The following CACNA1H variants were observed in gnomAD, a reference collection of about 807,000 sequenced individuals.
The protein encoded by CACNA1H is calcium voltage-gated channel subunit alpha1 H.
CACNA1H carries 149 observed loss-of-function variants against 192.5 expected under a neutral mutation model. That is an observed-to-expected ratio of 0.77 (90% CI 0.68 to 0.89). The LOEUF (loss-of-function observed/expected upper bound fraction) is 0.89, where lower values mean the gene tolerates loss of function less well. Ranked by LOEUF, CACNA1H falls within the 40% of genes least tolerant of loss-of-function variation. The pLI is 0.00. For synonymous variants in CACNA1H, 2,202 were observed against 1,475.2 expected, an observed-to-expected ratio of 1.49 and a Z score of -11.29; for missense variants, 4,257 against 3,423.5, an observed-to-expected ratio of 1.24 and a Z score of -6.08.
intron 8 of CACNA1H, among the ~76,000 whole-genome samples, chr16:1,201,117 T>C (rs1295308996): frequency 2.0e-5 from 3 of 152,130 alleles, no homozygotes; most frequent in African/African-American, 7.2e-5. Flanking sequence ...GTGTGCTCCT[T>C]AGCTGGTCCT....
At chr16:1,196,224 C>T (rs1442583329) in intron 5 of CACNA1H, among the ~76,000 whole-genome samples, 5 of 152,256 alleles carry the variant, frequency 3.3e-5, no homozygotes, top group Non-Finnish European at 4.4e-5. Flanking sequence ...AATCAAGCTG[C>T]GGTGTGGTGG....
intron 11 of CACNA1H, among the ~76,000 whole-genome samples, 181 bp downstream of exon 11, chr16:1,205,446 T>C (rs955903465): frequency 6.6e-6 from 1 of 151,882 alleles, no homozygotes; most frequent in African/African-American, 2.4e-5. Flanking sequence ...CTGGGCAGAG[T>C]CCCCTCCCCA....
At chr16:1,201,251 C>T (rs972145029) in intron 8 of CACNA1H, among the ~76,000 whole-genome samples, 1 of 152,108 alleles carries the variant, frequency 6.6e-6, no homozygotes, top group South Asian at 2.1e-4. Context: ...GACAGACGTC[C>T]CCAGCTTGTT....
Position 1,221,044 on chromosome 16 carries a change from C to A in CACNA1H, c.*50C>A. The A allele has an allele frequency of 4.2e-6, 6 of 1,426,726 alleles. No homozygotes were observed. The highest frequency in any genetic ancestry group is 5.6e-6 in the Non-Finnish European group (6 of 1,067,446). 88.4% of individuals were successfully genotyped at this position (1,426,726 alleles called of 1,614,324 possible). A position where few individuals can be genotyped will look rare whatever the true frequency, so the allele number is the denominator to read the frequency against. Reference sequence around the variant, plus strand: ...CTTTGGCCCTGGGGTCTGGGGGCCCCGCTGGGGTGGAGGCCCAGGCAGAAC... The same window carrying A: ...CTTTGGCCCTGGGGTCTGGGGGCCCAGCTGGGGTGGAGGCCCAGGCAGAAC... On this transcript the variant is annotated 3_prime_UTR_variant, in exon 35 of 35. Coordinates refer to ENST00000348261, the MANE Select transcript of CACNA1H (RefSeq NM_021098.3).
intron 2 of CACNA1H, among the ~76,000 whole-genome samples, chr16:1,169,476 C>A (rs968523487): frequency 6.6e-6 from 1 of 152,246 alleles, no homozygotes; most frequent in Admixed American, 6.5e-5. Context: ...GACGTTCCCC[C>A]AAGAAGCAGC....
In CACNA1H at chr16:1,172,808, G is replaced by A. The variant is rs543329056; in HGVS notation, c.299+18772G>A. On this transcript the variant is annotated intron_variant, in intron 2 of 34. Transcript: ENST00000348261. ...GGTGCCCCCGAGGGCTCCTGTCCAG[G>A]CCCAGGGCTGTGGGCTGGGAGGACT... 2.8e-4 allele frequency among the ~76,000 whole-genome samples: 42 copies of A among 152,250 alleles called. No individual in the cohort carries two copies. In the South Asian group the frequency reaches 7.9e-3, roughly 29 times the overall value.
rs1970470229 is a variant in CACNA1H at position 1,221,386 on chromosome 16, C to CCGG, written c.*397_*399dup. ...ACTCGCTGGGGGCCCTGTGCCCTTG[C>CCGG]CGGCGGCAGGTTGCAGCCACCGCGG... On this transcript the variant is annotated 3_prime_UTR_variant, in exon 35 of 35. Coordinates refer to ENST00000348261, the MANE Select transcript of CACNA1H (RefSeq NM_021098.3). The CCGG allele has an allele frequency of 1.3e-5, 4 of 310,716 alleles. No individual in the cohort carries two copies. In the South Asian group the frequency reaches 2.5e-4, roughly 19 times the overall value. 19.2% of individuals were successfully genotyped at this position (310,716 alleles called of 1,614,324 possible). A position where few individuals can be genotyped will look rare whatever the true frequency, so the allele number is the denominator to read the frequency against.
rs752653043 is a variant in CACNA1H, at chr16:1,200,440, G to A, written c.988G>A (p.Val330Met). 4.3e-5 allele frequency: 70 copies of A among 1,611,006 alleles called. No homozygotes were observed. The highest frequency in any genetic ancestry group is 5.8e-5 in the Non-Finnish European group (69 of 1,179,598). Residue 330 changes from valine (V) to methionine (M), a missense_variant, in exon 7 of 35, where the codon GTG becomes ATG. Physicochemically the swap from Val to Met is conservative, Grantham distance 21 (BLOSUM62 1). Transcript: ENST00000348261. Reference protein sequence around the residue: ...EAYTQPQAEGVGAARNACINW... With the variant: ...EAYTQPQAEGMGAARNACINW... Reference sequence around the variant, plus strand: ...CTACACGCAGCCGCAGGCCGAGGGGGTGGGCGCTGCACGCAACGCCTGCAT... The same window carrying A: ...CTACACGCAGCCGCAGGCCGAGGGGATGGGCGCTGCACGCAACGCCTGCAT...
At chr16:1,155,425 C>T (rs1305280123) in intron 2 of CACNA1H, among the ~76,000 whole-genome samples, 1 of 152,148 alleles carries the variant, frequency 6.6e-6, no homozygotes, top group Non-Finnish European at 1.5e-5. Context: ...GTGGTCATGC[C>T]CCTTTGTTCT....
chr16:1,161,203 G>A (rs995030903), intron 2 of CACNA1H, among the ~76,000 whole-genome samples: 4 of 152,210 alleles, frequency 2.6e-5, no homozygotes, highest in Non-Finnish European at 4.4e-5. Flanking sequence ...TGCTTCTGCC[G>A]TTGGCGACTG....
At chr16:1,216,809 C>A in intron 30 of CACNA1H, 123 bp from the exon 31 acceptor site, 8 of 824,232 alleles carry the variant, frequency 9.7e-6, no homozygotes, top group Admixed American at 2.0e-5. Flanking sequence ...TTGGCCGGGC[C>A]CGGAGCACCT....
In CACNA1H at chr16:1,211,699, C is replaced by T; in HGVS notation, c.4477-17C>T. 1.9e-6 allele frequency: 3 copies of T among 1,612,200 alleles called. No homozygotes were observed. Among genetic ancestry groups the T allele is most frequent in the Non-Finnish European group, 1.7e-6 (2 of 1,179,458 alleles). The stretch of plus-strand genomic sequence containing the variant: ...CCAGCTCTAACCCTCGCCAGTGACC[C>T]TGGCTCTGGCCCTCAGGCCCTGATG... On this transcript the variant is annotated splice_polypyrimidine_tract_variant and intron_variant, in intron 23 of 34. Coordinates refer to ENST00000348261, the MANE Select transcript of CACNA1H (RefSeq NM_021098.3).
chr16:1,198,524 G>A, intron 5 of CACNA1H, 91 bp from the exon 6 acceptor site: 1 of 1,437,574 alleles, frequency 7.0e-7, no homozygotes, highest in Middle Eastern at 1.9e-4. Context: ...TGTGAACAGT[G>A]GACGGGGCTC....
intron 27 of CACNA1H, 121 bp downstream of exon 27, chr16:1,214,052 A>G: frequency 1.2e-6 from 1 of 855,906 alleles, no homozygotes; most frequent in Non-Finnish European, 1.8e-6. Flanking sequence ...TTGCGTGGGG[A>G]TGTGGGGTTT....
At chr16:1,198,369 G>A (rs1322485008) in intron 5 of CACNA1H, among the ~76,000 whole-genome samples, 4 of 152,178 alleles carry the variant, frequency 2.6e-5, no homozygotes, top group South Asian at 4.1e-4. Flanking sequence ...GAGACCTGGC[G>A]CCCCGCTGGA....
intron 2 of CACNA1H, among the ~76,000 whole-genome samples, chr16:1,185,607 G>GACGGTCGGCATGCATA (rs1965930341): frequency 0.18 from 76 of 424 alleles, 6 homozygotes; most frequent in Non-Finnish European, 0.24. Context: ...AGCGTGCGTA[G>GACGGTCGGCATGCATA]GGGCCGGAGG....
chr16:1,207,509 G>T (rs928470554), intron 14 of CACNA1H, 79 bp downstream of exon 14: 5 of 1,455,174 alleles, frequency 3.4e-6, no homozygotes, highest in Non-Finnish European at 3.8e-6. Context: ...GGAGGGGTGT[G>T]GGGGGCCTGC....
At chr16:1,179,992 C>G (rs1483119766) in intron 2 of CACNA1H, among the ~76,000 whole-genome samples, 1 of 152,224 alleles carries the variant, frequency 6.6e-6, no homozygotes, top group Non-Finnish European at 1.5e-5. Flanking sequence ...GCCTCGGCCT[C>G]CAAAAGTGCT....
chr16:1,217,193 G>A (rs1006895491), intron 31 of CACNA1H, among the ~76,000 whole-genome samples, 183 bp downstream of exon 31: 5 of 152,222 alleles, frequency 3.3e-5, no homozygotes, highest in African/African-American at 7.2e-5. Context: ...GCCGAGTCTC[G>A]TGTTGACGCA....
Sources: allele counts gnomAD v4.1 joint callset (sites outside exome capture counted in the v4.1 genomes callset), GRCh38; gene constraint gnomAD v4.1.1; transcripts MANE v1.5; gene names NCBI Gene and HGNC (gene_info 2026-07-23, HGNC 2026-07-21).